KDM4C: variants seen among roughly 807,000 people sequenced by gnomAD.
The protein encoded by KDM4C is lysine demethylase 4C, also known as lysine-specific demethylase 4C.
A neutral mutation model predicts 129.3 loss-of-function variants in KDM4C; 81 were observed. The ratio of observed to expected loss-of-function variants is 0.63; its 90% CI spans 0.52 to 0.75. The LOEUF (loss-of-function observed/expected upper bound fraction) is 0.75, where lower values mean the gene tolerates loss of function less well. Ranked by LOEUF, KDM4C falls within the 30% of genes least tolerant of loss-of-function variation. KDM4C has a pLI of 0.00. For missense variants in KDM4C, 1,457 were observed against 1,304.0 expected (o/e 1.12, Z -1.81); for synonymous variants, 573 against 456.1 (o/e 1.26, Z -3.26).
At chr9:7,069,097 T>C (rs1832850164) in intron 17 of KDM4C, among the ~76,000 whole-genome samples, 1 of 152,164 alleles carries the variant, frequency 6.6e-6, no homozygotes, top group Non-Finnish European at 1.5e-5. Context: ...TTTAACATTG[T>C]TCTGAGTGGC....
chr9:6,958,333 C>T (rs1456425422), intron 8 of KDM4C, among the ~76,000 whole-genome samples: 1 of 152,144 alleles, frequency 6.6e-6, no homozygotes, highest in South Asian at 2.1e-4. Context: ...GCTTGTAATA[C>T]CAGCACTTTG....
intron 8 of KDM4C, among the ~76,000 whole-genome samples, chr9:6,905,739 A>C (rs1435968834): frequency 6.6e-6 from 1 of 152,196 alleles, no homozygotes; most frequent in Non-Finnish European, 1.5e-5. Context: ...TCCAGTTACT[A>C]TACAGACATG....
intron 15 of KDM4C, among the ~76,000 whole-genome samples, chr9:7,042,119 T>G (rs569545485): frequency 9.2e-4 from 140 of 152,224 alleles, no homozygotes; most frequent in African/African-American, 3.2e-3. Context: ...GTATTTAGTA[T>G]GTGCTTAGGG....
intron 4 of KDM4C, among the ~76,000 whole-genome samples, chr9:6,820,040 T>C (rs1056370959): frequency 1.3e-5 from 2 of 152,106 alleles, no homozygotes; most frequent in Non-Finnish European, 2.9e-5. Context: ...GTGGGAGTTC[T>C]TGGAGAGGGT....
chr9:7,009,913 T>C (rs745310777), intron 12 of KDM4C, among the ~76,000 whole-genome samples: 7 of 152,200 alleles, frequency 4.6e-5, no homozygotes, highest in African/African-American at 1.7e-4. Context: ...AAATGAATCA[T>C]GTAGCCTAGA....
At chr9:7,005,603 T>C (rs1010878047) in intron 12 of KDM4C, among the ~76,000 whole-genome samples, 3 of 152,150 alleles carry the variant, frequency 2.0e-5, no homozygotes, top group Admixed American at 2.0e-4. Context: ...CAAGAGGGTT[T>C]GTGGCTATTA....
chr9:7,085,382 G>A (rs1404690230), intron 17 of KDM4C, among the ~76,000 whole-genome samples: 1 of 152,186 alleles, frequency 6.6e-6, no homozygotes, highest in African/African-American at 2.4e-5. Context: ...GAGCCAGTGT[G>A]CTGTGCCAAA....
In KDM4C at chr9:7,174,641, C is replaced by G. The variant is rs946052595; in HGVS notation, c.3083C>G (p.Ser1028Cys). Residue 1028 changes from serine to cysteine, a missense_variant, in exon 22 of 22, where the codon TCC becomes TGC. Transcript: ENST00000381309. ...GERKRQRVLS[S>C]RFKNEYVADP... Reference sequence around the variant, plus strand: ...AGAAAGAGACAAAGAGTGCTGAGCTCCAGGTTTAAGAATGAATATGTGGCC... The same window carrying G: ...AGAAAGAGACAAAGAGTGCTGAGCTGCAGGTTTAAGAATGAATATGTGGCC... The G allele has an allele frequency of 1.9e-6, 3 of 1,613,946 alleles. No individual in the cohort carries two copies. The highest frequency in any genetic ancestry group is 2.2e-5 in the East Asian group (1 of 44,892).
rs139698415 is a variant in KDM4C at position 6,859,222 on chromosome 9, A to G, written c.629+9522A>G. Among the ~76,000 whole-genome samples, 366 of 152,286 alleles carry G rather than the reference A, an allele frequency of 2.4e-3. 1 individual carries two copies. Among genetic ancestry groups the G allele is most frequent in the African/African-American group, 8.3e-3 (345 of 41,560 alleles). On this transcript the variant is annotated intron_variant, in intron 5 of 21. Transcript: ENST00000381309. ...GCCGGGTACGGTGGTTCATGCCTAT[A>G]ATCCCAGCACTTTGGGAGGCCGAGG...
chr9:6,807,775 C>T (rs1297466601), intron 3 of KDM4C, among the ~76,000 whole-genome samples: 8 of 142,634 alleles, frequency 5.6e-5, no homozygotes, highest in African/African-American at 2.2e-4. Flanking sequence ...GCAGCCACCC[C>T]GTCTGGGAGG....
chr9:6,977,820 A>G (rs563454193), intron 8 of KDM4C, among the ~76,000 whole-genome samples: 9 of 152,098 alleles, frequency 5.9e-5, no homozygotes, highest in Admixed American at 5.2e-4. Flanking sequence ...TCAATCCCCC[A>G]CAAGTCTGGG....
rs571865174 is a variant in KDM4C at position 6,752,643 on chromosome 9, C to G, written c.49+31646C>G. Among the ~76,000 whole-genome samples, 23 of 151,978 alleles carry G rather than the reference C, an allele frequency of 1.5e-4. No homozygotes were observed. The East Asian group carries it at 3.9e-3, about 26-fold the overall frequency. ...TAGGCTGATCTCAAACTCCTGACCT[C>G]AGGAGATCCGTCCACCTCGCCTTCC... On this transcript the variant is annotated intron_variant, in intron 1 of 17. Coordinates refer to the KDM4C transcript ENST00000536108.
At chr9:6,887,732 C>G (rs1042307096) in intron 6 of KDM4C, among the ~76,000 whole-genome samples, 10 of 152,090 alleles carry the variant, frequency 6.6e-5, no homozygotes, top group African/African-American at 2.4e-4. Context: ...ACAAAAACAA[C>G]TTATGGTAAA....
chr9:6,781,243 T>C (rs1277646547), intron 1 of KDM4C, among the ~76,000 whole-genome samples: 2 of 152,210 alleles, frequency 1.3e-5, no homozygotes, highest in East Asian at 1.9e-4. Context: ...TTTGCAGTAG[T>C]TATGTTCTAT....
chr9:6,912,358 T>A (rs1207677196), intron 8 of KDM4C, among the ~76,000 whole-genome samples: 2 of 152,200 alleles, frequency 1.3e-5, no homozygotes, highest in African/African-American at 4.8e-5. Flanking sequence ...CTCCTAGGGT[T>A]ATTCTGAAGA....
chr9:6,967,551 G>T (rs1831212427), intron 8 of KDM4C, among the ~76,000 whole-genome samples: 1 of 152,212 alleles, frequency 6.6e-6, no homozygotes, highest in South Asian at 2.1e-4. Flanking sequence ...AAGGAACTAG[G>T]CTGTGAAATT....
chr9:7,141,472 G>C (rs952493489), intron 19 of KDM4C, among the ~76,000 whole-genome samples: 3 of 152,190 alleles, frequency 2.0e-5, no homozygotes, highest in Admixed American at 2.0e-4. Flanking sequence ...TGGTAATTTG[G>C]ACTAATTTAG....
At chr9:7,014,655 G>C (rs1823322506) in intron 14 of KDM4C, among the ~76,000 whole-genome samples, 1 of 152,018 alleles carries the variant, frequency 6.6e-6, no homozygotes, top group South Asian at 2.1e-4. Context: ...TAATATTCCA[G>C]ATCTTACCAA....
chr9:6,924,794 C>CT (rs573804390), intron 8 of KDM4C: 240 of 978,092 alleles, frequency 2.5e-4, no homozygotes, highest in Admixed American at 6.8e-4. Context: ...CCTGTATATT[C>CT]TTTTTTTTGG....
Sources: allele counts gnomAD v4.1 joint callset (sites outside exome capture counted in the v4.1 genomes callset), GRCh38; gene constraint gnomAD v4.1.1; transcripts MANE v1.5; gene names NCBI Gene and HGNC (gene_info 2026-07-23, HGNC 2026-07-21).